Variants in PFKFB3 observed in about 807,000 individuals in gnomAD.
The protein encoded by PFKFB3 is 6-phosphofructo-2-kinase/fructose-2,6-biphosphatase 3, also known as 6-phosphofructo-2-kinase/fructose-2,6-bisphosphatase 3.
In PFKFB3, 33 loss-of-function variants were observed where a neutral mutation model predicts 68.0. The observed-to-expected ratio is 0.49, with a 90% CI of 0.37 to 0.65. PFKFB3 has a LOEUF of 0.65. Ranked by LOEUF, PFKFB3 falls within the 30% of genes least tolerant of loss-of-function variation. The pLI, the probability that PFKFB3 is intolerant of heterozygous loss-of-function variation, is 0.00. For synonymous variants in PFKFB3, 315 were observed against 288.2 expected, an observed-to-expected ratio of 1.09 and a Z score of -0.94; for missense variants, 586 against 712.2, an observed-to-expected ratio of 0.82 and a Z score of 2.02.
Position 6,229,043 on chromosome 10 carries a change from C to A in PFKFB3, c.1515+2678C>A. The A allele has an allele frequency of 2.0e-6, 1 of 489,092 alleles. No individual in the cohort carries two copies. Among genetic ancestry groups the A allele is most frequent in the Admixed American group, 2.3e-5 (1 of 44,324 alleles). The allele number at this position is 489,092 out of a possible 1,614,324, so 30.3% of individuals were successfully genotyped here. Reference sequence around the variant, plus strand: ...ACATGAAGTGTCATCCCCTTGCCCCCCCAAAAACACACCCGCCCCTTTATT... The same window carrying A: ...ACATGAAGTGTCATCCCCTTGCCCCACCAAAAACACACCCGCCCCTTTATT... On this transcript the variant is annotated intron_variant, in intron 14 of 14. Transcript: ENST00000379775. This position sits in a 1 kb window ranked among gnomAD's most constrained non-coding sequence, Gnocchi z 4.3.
chr10:6,215,428 G>A lies in PFKFB3; in HGVS notation c.299+111G>A, dbSNP rs1203946910. ...GGCCGCGGGCGTAGGGCTGGGCTGT[G>A]GGAATAAGGCTGGGCTGCGGGGCTG... is the stretch of plus-strand genomic sequence containing the variant. On this transcript the variant is annotated intron_variant, in intron 3 of 14. Coordinates refer to ENST00000379775, the MANE Select transcript of PFKFB3 (RefSeq NM_004566.4). The surrounding 1 kb of genome is among the most constrained non-coding windows in gnomAD (Gnocchi z 4.3). The A allele has an allele frequency of 3.7e-6, 3 of 800,736 alleles. No individual in the cohort carries two copies. The highest frequency in any genetic ancestry group is 1.5e-5 in the South Asian group (1 of 67,702). 49.6% of individuals were successfully genotyped at this position (800,736 alleles called of 1,614,324 possible). A position where few individuals can be genotyped will look rare whatever the true frequency, so the allele number is the denominator to read the frequency against.
In PFKFB3 at chr10:6,173,983, C is replaced by T. The variant is rs151103791; in HGVS notation, c.16+28970C>T. Among the ~76,000 whole-genome samples, 185 of 152,106 alleles carry T rather than the reference C, an allele frequency of 1.2e-3. 1 individual carries two copies. Among genetic ancestry groups the T allele is most frequent in the African/African-American group, 4.2e-3 (174 of 41,482 alleles). ...CAGGTGCGGCATTTAGAATTTAATC[C>T]GCACAGATAGTAGGCACGGAAAGAA... On this transcript the variant is annotated intron_variant, in intron 1 of 14. Coordinates refer to the PFKFB3 transcript ENST00000379789.
upstream of PFKFB3, chr10:6,202,808 C>A: frequency 3.4e-6 from 3 of 884,950 alleles, no homozygotes; most frequent in Non-Finnish European, 4.1e-6. Context: ...CTTCCCGGCT[C>A]GCCCACCCTC....
chr10:6,215,085 A>G lies in PFKFB3; in HGVS notation c.203-136A>G. ...GGGTAGCGTAGGACTGGGCGCCGGC[A>G]TTGCTTCCACACCATCTCATTCAAG... On this transcript the variant is annotated intron_variant, in intron 2 of 14. Coordinates refer to ENST00000379775, the MANE Select transcript of PFKFB3 (RefSeq NM_004566.4). This position sits in a 1 kb window ranked among gnomAD's most constrained non-coding sequence, Gnocchi z 4.3. 2 of 696,498 alleles carry G rather than the reference A, an allele frequency of 2.9e-6. No homozygotes were observed. The highest frequency in any genetic ancestry group is 2.3e-5 in the Admixed American group (1 of 43,846). The allele number at this position is 696,498 out of a possible 1,614,324, so 43.1% of individuals were successfully genotyped here.
Position 6,220,990 on chromosome 10 carries a change from GT to G in PFKFB3, c.831+127del. The G allele has an allele frequency of 1.1e-6, 1 of 924,822 alleles. No individual in the cohort carries two copies. Among genetic ancestry groups the G allele is most frequent in the Non-Finnish European group, 1.7e-6 (1 of 581,176 alleles). The allele number at this position is 924,822 out of a possible 1,614,324, so 57.3% of individuals were successfully genotyped here. A position where few individuals can be genotyped will look rare whatever the true frequency, so the allele number is the denominator to read the frequency against. On this transcript the variant is annotated intron_variant, in intron 8 of 14. Transcript: ENST00000379775. The surrounding 1 kb of genome is among the most constrained non-coding windows in gnomAD (Gnocchi z 4.1). ...GCTGCTTGGTGTGCTTGCTGTGTGT[GT>G]TATCTGTGTGTGCGCCTGCACGTCT... is the stretch of plus-strand genomic sequence containing the variant.
the PFKFB3 span, among the ~76,000 whole-genome samples, chr10:6,296,650 A>T: frequency 3.3e-3 from 496 of 152,340 alleles, 5 homozygotes; most frequent in African/African-American, 0.011. Context: ...TTTAGACCAT[A>T]TAGGGTAACT....
At chr10:6,315,453 C>G in the PFKFB3 span, among the ~76,000 whole-genome samples, 1 of 152,180 alleles carries the variant, frequency 6.6e-6, no homozygotes, top group Non-Finnish European at 1.5e-5. Context: ...GGAGGTGTCA[C>G]TTAATTTGTT....
intron 1 of PFKFB3, among the ~76,000 whole-genome samples, chr10:6,179,950 C>T (rs765000002): frequency 1.5e-4 from 23 of 152,220 alleles, no homozygotes; most frequent in Middle Eastern, 3.4e-3. Context: ...GACAAACGCC[C>T]GGTGAGGTCG....
At chr10:6,158,826 C>T (rs1464197758) in intron 1 of PFKFB3, among the ~76,000 whole-genome samples, 2 of 151,516 alleles carry the variant, frequency 1.3e-5, no homozygotes, top group African/African-American at 2.4e-5. Flanking sequence ...GAAATCGCAG[C>T]GCCACTGCTC....
chr10:6,304,540 T>C, the PFKFB3 span, among the ~76,000 whole-genome samples: 2,775 of 150,766 alleles, frequency 0.018, 74 homozygotes, highest in African/African-American at 0.062. Context: ...TTTGTAGTTT[T>C]AGAAGAGACA....
At position 6,216,772 on chromosome 10, in the gene PFKFB3, G is replaced by A. The variant is rs1361520456; in HGVS notation, c.433G>A (p.Asp145Asn). 2 of 1,611,998 alleles carry A rather than the reference G, an allele frequency of 1.2e-6. No homozygotes were observed. The highest frequency in any genetic ancestry group is 1.7e-5 in the Admixed American group (1 of 60,024). The change falls in exon 5 of 15, where the codon GAC (aspartate) becomes AAC (asparagine). Residue 145 changes from aspartate (D) to asparagine (N), a missense_variant. Asp to Asn is a conservative substitution (Grantham distance 23, BLOSUM62 1). Transcript: ENST00000379775. ...GATCCTTCATTTTGCCAAAGAAAAT[G>A]ACTTTAAGGTGAGCTGAGCGTCTTG... ...HMILHFAKENDFKAFFIESVC... is the reference protein window; with the variant it reads ...HMILHFAKENNFKAFFIESVC...
chr10:6,172,088 G>A (rs1259641414), intron 1 of PFKFB3, among the ~76,000 whole-genome samples: 4 of 152,244 alleles, frequency 2.6e-5, no homozygotes, highest in Non-Finnish European at 5.9e-5. Context: ...ATACTCTGAC[G>A]CATTCTCCCG....
rs954864433 is a variant in PFKFB3, at chr10:6,229,057, C to T, written c.1515+2692C>T. ...CCCCTTGCCCCCCCAAAAACACACC[C>T]GCCCCTTTATTTCCTGTTTGCTCCT... On this transcript the variant is annotated intron_variant, in intron 14 of 14. Transcript: ENST00000379775. This position sits in a 1 kb window ranked among gnomAD's most constrained non-coding sequence, Gnocchi z 4.3. The T allele has an allele frequency of 2.8e-5, 14 of 507,008 alleles. No individual in the cohort carries two copies. Among genetic ancestry groups the T allele is most frequent in the African/African-American group, 5.8e-5 (3 of 51,412 alleles). 31.4% of individuals were successfully genotyped at this position (507,008 alleles called of 1,614,324 possible). A position where few individuals can be genotyped will look rare whatever the true frequency, so the allele number is the denominator to read the frequency against.
the PFKFB3 span, among the ~76,000 whole-genome samples, chr10:6,320,366 A>C: frequency 6.6e-6 from 1 of 152,280 alleles, no homozygotes; most frequent in Non-Finnish European, 1.5e-5. Flanking sequence ...GAAGAAATGT[A>C]TGAGCTTATA....
the PFKFB3 span, among the ~76,000 whole-genome samples, chr10:6,313,129 T>C: frequency 1.3e-5 from 2 of 152,232 alleles, no homozygotes; most frequent in Non-Finnish European, 2.9e-5. This position sits in a 1 kb window ranked among gnomAD's most constrained non-coding sequence, Gnocchi z 4.2. Flanking sequence ...TTTTTAATTA[T>C]TGCTTGTTTG....
rs1330113281 is a variant in PFKFB3 at position 6,229,216 on chromosome 10, G to A, written c.1515+2851G>A. On this transcript the variant is annotated intron_variant, in intron 14 of 14. Coordinates refer to ENST00000379775, the MANE Select transcript of PFKFB3 (RefSeq NM_004566.4). This position sits in a 1 kb window ranked among gnomAD's most constrained non-coding sequence, Gnocchi z 4.3. Reference sequence around the variant, plus strand: ...GCGCTCAGATTTTGGTGGCAAAGGGGTGAAGGGCCAGAGGATGTACCAGTG... The same window carrying A: ...GCGCTCAGATTTTGGTGGCAAAGGGATGAAGGGCCAGAGGATGTACCAGTG... 5 of 502,226 alleles carry A rather than the reference G, an allele frequency of 1.0e-5. 1 individual carries two copies. The highest frequency in any genetic ancestry group is 4.4e-5 in the South Asian group (3 of 67,440). 31.1% of individuals were successfully genotyped at this position (502,226 alleles called of 1,614,324 possible).
chr10:6,312,653 C>A, the PFKFB3 span, among the ~76,000 whole-genome samples: 1 of 152,072 alleles, frequency 6.6e-6, no homozygotes, highest in Non-Finnish European at 1.5e-5. Context: ...GGGTGCTGGC[C>A]GAGTTTTAAT....
rs886447773 is a variant in PFKFB3 at position 6,229,858 on chromosome 10, A to T, written c.1516-3037A>T. On this transcript the variant is annotated intron_variant, in intron 14 of 14. Coordinates refer to ENST00000379775, the MANE Select transcript of PFKFB3 (RefSeq NM_004566.4). The surrounding 1 kb of genome is among the most constrained non-coding windows in gnomAD (Gnocchi z 4.3). Reference sequence around the variant, plus strand: ...ACTGTTCTGCCTCAGATCGTCTGGCATTAGATTCTCTGAAGGGAACGCACA... The same window carrying T: ...ACTGTTCTGCCTCAGATCGTCTGGCTTTAGATTCTCTGAAGGGAACGCACA... Among the ~76,000 whole-genome samples, 1 of 152,166 alleles carries T rather than the reference A, an allele frequency of 6.6e-6. No individual in the cohort carries two copies. The highest frequency in any genetic ancestry group is 1.5e-5 in the Non-Finnish European group (1 of 68,026).
intron 1 of PFKFB3, among the ~76,000 whole-genome samples, chr10:6,192,291 G>A (rs1564609329): frequency 1.3e-5 from 2 of 150,768 alleles, no homozygotes; most frequent in Non-Finnish European, 2.9e-5. Context: ...ATCCAGCCCA[G>A]CCTGGAGGTT....
Sources: allele counts gnomAD v4.1 joint callset (sites outside exome capture counted in the v4.1 genomes callset), GRCh38; gene constraint gnomAD v4.1.1; non-coding constraint Gnocchi (gnomAD v3.1); transcripts MANE v1.5; gene names NCBI Gene and HGNC (gene_info 2026-07-23, HGNC 2026-07-21).